TNK2: variants seen among roughly 807,000 people sequenced by gnomAD.
The protein encoded by TNK2 is tyrosine kinase non receptor 2.
Under a neutral mutation model 101.8 loss-of-function variants are expected in TNK2, and 83 were observed. The ratio of observed to expected loss-of-function variants is 0.82; its 90% CI spans 0.68 to 0.98. The LOEUF is 0.98. Among genes scored for constraint, TNK2 ranks in the 50% least tolerant of loss-of-function variants. The pLI, the probability that TNK2 is intolerant of heterozygous loss-of-function variation, is 0.00. For synonymous variants in TNK2, 804 were observed against 633.0 expected, an observed-to-expected ratio of 1.27 and a Z score of -4.06; for missense variants, 1,665 against 1,483.2, an observed-to-expected ratio of 1.12 and a Z score of -2.01.
intron 1 of TNK2, among the ~76,000 whole-genome samples, chr3:195,897,506 T>TTTTG (rs908033310): frequency 2.6e-5 from 4 of 152,114 alleles, no homozygotes; most frequent in African/African-American, 2.4e-5. Flanking sequence ...CCCACATGTT[T>TTTTG]TTTGTTTGTT....
At chr3:195,899,004 G>A (rs537999491) in intron 1 of TNK2, among the ~76,000 whole-genome samples, 2 of 152,194 alleles carry the variant, frequency 1.3e-5, no homozygotes, top group East Asian at 1.9e-4. Flanking sequence ...GCTGAGGCAG[G>A]AGAATGGCGT....
At chr3:195,907,549 G>GT (rs1398464791) in intron 1 of TNK2, among the ~76,000 whole-genome samples, 1 of 152,234 alleles carries the variant, frequency 6.6e-6, no homozygotes, top group Non-Finnish European at 1.5e-5. Flanking sequence ...ACAGTGCCAG[G>GT]TAAGAGGCGA....
rs934209290 is a variant in TNK2, at chr3:195,888,027, C to G, written c.163+399G>C. Among the ~76,000 whole-genome samples, 2 of 152,066 alleles carry G rather than the reference C, an allele frequency of 1.3e-5. No individual in the cohort carries two copies. The highest frequency in any genetic ancestry group is 4.8e-5 in the African/African-American group (2 of 41,402). On this transcript the variant is annotated intron_variant, in intron 2 of 15. Transcript: ENST00000672887. This position sits in a 1 kb window ranked among gnomAD's most constrained non-coding sequence, Gnocchi z 5.3. The stretch of plus-strand genomic sequence containing the variant: ...GCGTGTGAGAGAGCAAGAAAGAGAG[C>G]GTGAGCACGAATCAGCAAACCATCT...
intron 10 of TNK2, among the ~76,000 whole-genome samples, chr3:195,871,140 G>A (rs965002007): frequency 6.6e-6 from 1 of 151,828 alleles, no homozygotes; most frequent in Non-Finnish European, 1.5e-5. Context: ...GAGGCCAGGG[G>A]CCTGGAATCC....
chr3:195,865,322 A>G (rs1261280108), intron 15 of TNK2, among the ~76,000 whole-genome samples: 1 of 145,516 alleles, frequency 6.9e-6, no homozygotes, highest in Non-Finnish European at 1.5e-5. Flanking sequence ...AGTGACAGAC[A>G]GGTGACAGCG....
intron 1 of TNK2, chr3:195,896,163 G>A: frequency 2.2e-6 from 1 of 454,854 alleles, no homozygotes; most frequent in South Asian, 1.6e-5. Context: ...GCCATCGCCG[G>A]CACAGGAAGT....
rs1225679532 is a variant in TNK2 at position 195,864,093 on chromosome 3, G to A, written c.*88C>T. The A allele has an allele frequency of 6.3e-7, 1 of 1,581,138 alleles. No individual in the cohort carries two copies. Among genetic ancestry groups the A allele is most frequent in the East Asian group, 2.2e-5 (1 of 44,670 alleles). ...GCAGCAGGAGCAGCGGGTCCTCCAG[G>A]ACTGGATGGGGGCATCTCCCCACTC... On this transcript the variant is annotated 3_prime_UTR_variant, in exon 16 of 16. Transcript: ENST00000672887.
chr3:195,887,582 A>G (rs139410247), intron 2 of TNK2, among the ~76,000 whole-genome samples: 1,736 of 151,324 alleles, frequency 0.011, 29 homozygotes, highest in African/African-American at 0.029. Context: ...AACTTGACAC[A>G]TTATTACCTA....
rs767255936 is a variant in TNK2, at chr3:195,870,323, G to A, written c.1452-118C>T. ...GGTGTAGTCTTGGGTCTGAAGCACA[G>A]GCCTCCCGCCTCCCAGTCCACAGAA... On this transcript the variant is annotated intron_variant, in intron 10 of 15. Transcript: ENST00000672887. 6.5e-6 allele frequency: 10 copies of A among 1,535,526 alleles called. No homozygotes were observed. In the Admixed American group the frequency reaches 1.3e-4, roughly 19 times the overall value.
At position 195,867,871 on chromosome 3, in the gene TNK2, G is replaced by A; in HGVS notation, c.2427C>T (p.Pro809=). Residue 809 remains proline (P), a synonymous_variant, in exon 13 of 16, where the codon CCC becomes CCT. Coordinates refer to ENST00000672887, the MANE Select transcript of TNK2 (RefSeq NM_001382273.1). The part of the protein sequence containing the change: ...LSPQGSRTPS[P]LVPPGSSPLP... ...GCGGGGAGCTGCCAGGTGGTACCAG[G>A]GGGCTGGGTGTCCTCGAGCCTTGAG... 3 of 1,529,890 alleles carry A rather than the reference G, an allele frequency of 2.0e-6. No homozygotes were observed. The highest frequency in any genetic ancestry group is 1.3e-5 in the South Asian group (1 of 77,200). 94.8% of individuals were successfully genotyped at this position (1,529,890 alleles called of 1,614,324 possible).
intron 1 of TNK2, chr3:195,892,828 C>T (rs972769647): frequency 4.4e-5 from 39 of 891,762 alleles, no homozygotes; most frequent in Non-Finnish European, 5.1e-5. Context: ...CTCTCTCTCC[C>T]TCTCTCCCTC....
rs753456216 is a variant in TNK2 at position 195,885,069 on chromosome 3, A to G, written c.235-36T>C. 2.1e-5 allele frequency: 32 copies of G among 1,549,878 alleles called. No homozygotes were observed. The highest frequency in any genetic ancestry group is 5.6e-5 in the Admixed American group (3 of 53,980). ...GCAGCCGGGGGCCAGATGGAATCCA[A>G]CACCCCAGGGTCAGTCACTCAGTCC... On this transcript the variant is annotated intron_variant, in intron 3 of 15. Coordinates refer to ENST00000672887, the MANE Select transcript of TNK2 (RefSeq NM_001382273.1). The surrounding 1 kb of genome is among the most constrained non-coding windows in gnomAD (Gnocchi z 4.7).
intron 9 of TNK2, among the ~76,000 whole-genome samples, chr3:195,875,112 T>TC (rs531685787): frequency 4.2e-4 from 1 of 2,400 alleles, no homozygotes. Context: ...CACAAGAAGC[T>TC]CCCCTCGGGA....
Position 195,883,158 on chromosome 3 carries a change from A to G in TNK2, c.608T>C (p.Met203Thr). The change falls in exon 5 of 16, where the codon ATG (methionine) becomes ACG (threonine). Residue 203 changes from methionine (M) to threonine (T), a missense_variant and splice_region_variant. This residue lies in a region of TNK2 where 490 missense variants were observed against 522.5 expected (regional missense o/e 0.94). Transcript: ENST00000672887. The stretch of plus-strand genomic sequence containing the variant: ...CCCCCTCCCGCCCGCAGTACTCACC[A>G]TCTTCATGGGCGGCGTGAGCACCAC... ...YGVVLTPPMK[M>T]VTELAPLGSL... 1 of 1,571,808 alleles carries G rather than the reference A, an allele frequency of 6.4e-7. No homozygotes were observed. Among genetic ancestry groups the G allele is most frequent in the Non-Finnish European group, 8.6e-7 (1 of 1,160,324 alleles).
chr3:195,864,544 G>A (rs551414704), intron 15 of TNK2, among the ~76,000 whole-genome samples: 3 of 148,192 alleles, frequency 2.0e-5, no homozygotes, highest in East Asian at 4.1e-4. Context: ...CGACAGACAG[G>A]TGACACGGAG....
At chr3:195,866,207 A>T (rs1332997144) in intron 15 of TNK2, among the ~76,000 whole-genome samples, 1 of 152,134 alleles carries the variant, frequency 6.6e-6, no homozygotes, top group African/African-American at 2.4e-5. Flanking sequence ...TTTTAGAGAA[A>T]ATTTTTTTTT....
Position 195,886,061 on chromosome 3 carries a change from A to C in TNK2, c.234+916T>G, listed in dbSNP as rs1755457003. The C allele has an allele frequency of 6.4e-6, 1 of 156,108 alleles. No individual in the cohort carries two copies. Among genetic ancestry groups the C allele is most frequent in the Non-Finnish European group, 1.4e-5 (1 of 70,788 alleles). 9.7% of individuals were successfully genotyped at this position (156,108 alleles called of 1,614,324 possible). On this transcript the variant is annotated intron_variant, in intron 3 of 15. Coordinates refer to ENST00000672887, the MANE Select transcript of TNK2 (RefSeq NM_001382273.1). This position sits in a 1 kb window ranked among gnomAD's most constrained non-coding sequence, Gnocchi z 4.2. ...CCGGGAGGTGAGCTGGGCAGTGGGG[A>C]CCGGTATCATTTCACTGAAGACACA...
At chr3:195,879,818 G>C (rs973173036) in intron 6 of TNK2, among the ~76,000 whole-genome samples, 47 of 152,018 alleles carry the variant, frequency 3.1e-4, no homozygotes, top group African/African-American at 1.1e-3. Flanking sequence ...AAAGTCACTC[G>C]AGATCGCTAA....
intron 1 of TNK2, among the ~76,000 whole-genome samples, chr3:195,898,431 G>A (rs1052914066): frequency 6.6e-6 from 1 of 152,094 alleles, no homozygotes; most frequent in Non-Finnish European, 1.5e-5. Flanking sequence ...AGTCCACCAC[G>A]GCACCTGGCT....
Sources: allele counts gnomAD v4.1 joint callset (sites outside exome capture counted in the v4.1 genomes callset), GRCh38; gene constraint gnomAD v4.1.1; regional missense constraint gnomAD v4.1.1; non-coding constraint Gnocchi (gnomAD v3.1); transcripts MANE v1.5; gene names NCBI Gene and HGNC (gene_info 2026-07-23, HGNC 2026-07-21).